The following FAM117A variants were observed in gnomAD, a reference collection of about 807,000 sequenced individuals.
FAM117A encodes family with sequence similarity 117 member A, also known as protein FAM117A.
Under a neutral mutation model 44.1 loss-of-function variants are expected in FAM117A, and 21 were observed. The ratio of observed to expected loss-of-function variants is 0.48; its 90% CI spans 0.34 to 0.69. The LOEUF (loss-of-function observed/expected upper bound fraction) is 0.69, where lower values mean the gene tolerates loss of function less well. FAM117A is among the 30% of genes least tolerant of loss of function. FAM117A has a pLI of 0.01. For synonymous variants in FAM117A, 220 were observed against 238.3 expected (o/e 0.92, Z 0.71); for missense variants, 498 against 589.9 (o/e 0.84, Z 1.61).
chr17:49,715,423 G>A (rs926267449), intron 7 of FAM117A, among the ~76,000 whole-genome samples: 1 of 152,202 alleles, frequency 6.6e-6, no homozygotes, highest in Non-Finnish European at 1.5e-5. Flanking sequence ...CCAACTTGGT[G>A]TGAATCTGCC....
At chr17:49,763,861 T>A in intron 1 of FAM117A, 31 bp downstream of exon 1, 2 of 746,370 alleles carry the variant, frequency 2.7e-6, no homozygotes, top group Non-Finnish European at 3.2e-6. Context: ...CAATGGCTCC[T>A]TCCACGGCAC....
At chr17:49,739,080 A>G (rs1022139880) in intron 1 of FAM117A, among the ~76,000 whole-genome samples, 1 of 152,150 alleles carries the variant, frequency 6.6e-6, no homozygotes, top group Non-Finnish European at 1.5e-5. Flanking sequence ...GTCTGACTAC[A>G]GCCAACGCCA....
At chr17:49,738,128 A>G (rs2073618563) in intron 1 of FAM117A, among the ~76,000 whole-genome samples, 1 of 152,122 alleles carries the variant, frequency 6.6e-6, no homozygotes, top group Non-Finnish European at 1.5e-5. Context: ...GATAACTTTA[A>G]CCCATTTTAT....
chr17:49,777,036 T>C (rs1237070651), intron 1 of FAM117A, among the ~76,000 whole-genome samples: 1 of 152,200 alleles, frequency 6.6e-6, no homozygotes, highest in Admixed American at 6.5e-5. Context: ...TGCTCTCCAT[T>C]GCCAGAAAAC....
intron 1 of FAM117A, among the ~76,000 whole-genome samples, chr17:49,736,137 C>T (rs1158365490): frequency 6.6e-6 from 1 of 151,992 alleles, no homozygotes; most frequent in Admixed American, 6.6e-5. Context: ...TTATACTGTA[C>T]GTATTGTTTT....
At chr17:49,737,982 CTTCTTTTT>C (rs2073618009) in intron 1 of FAM117A, among the ~76,000 whole-genome samples, 1 of 150,434 alleles carries the variant, frequency 6.6e-6, no homozygotes. Context: ...GTATTAATAG[CTTCTTTTT>C]AGCACCTAAT....
At chr17:49,714,808 G>A (rs1424318798) in intron 7 of FAM117A, among the ~76,000 whole-genome samples, 2 of 151,786 alleles carry the variant, frequency 1.3e-5, no homozygotes, top group African/African-American at 4.8e-5. Context: ...CACCACACCT[G>A]TCTAATTTTG....
At chr17:49,767,543 T>A (rs1387227163), upstream of FAM117A, among the ~76,000 whole-genome samples, 1 of 152,218 alleles carries the variant, frequency 6.6e-6, no homozygotes, top group Non-Finnish European at 1.5e-5. Context: ...GCTATTTCAT[T>A]TGGGATACAT....
chr17:49,758,503 G>C (rs1327073326), intron 1 of FAM117A, among the ~76,000 whole-genome samples: 1 of 147,032 alleles, frequency 6.8e-6, no homozygotes, highest in Non-Finnish European at 1.5e-5. Flanking sequence ...GGGCACCTGT[G>C]GTCCCAGCTA....
intron 2 of FAM117A, among the ~76,000 whole-genome samples, chr17:49,730,258 G>A (rs2073579001): frequency 6.6e-6 from 1 of 152,254 alleles, no homozygotes; most frequent in Non-Finnish European, 1.5e-5. Context: ...CAGGGAAAGA[G>A]GAAAGCTGCA....
chr17:49,722,713 C>T, intron 2 of FAM117A, 119 bp from the exon 3 acceptor site: 1 of 728,676 alleles, frequency 1.4e-6, no homozygotes, highest in East Asian at 2.7e-5. Flanking sequence ...GCTCATCAAC[C>T]TCTGAACACT....
intron 3 of FAM117A, 85 bp from the exon 4 acceptor site, chr17:49,720,521 C>A: frequency 1.0e-6 from 1 of 982,756 alleles, no homozygotes; most frequent in Non-Finnish European, 1.6e-6. Context: ...TGGCTCCTGG[C>A]AGAGGCCCAT....
At position 49,720,380 on chromosome 17, in the gene FAM117A, C is replaced by T. The variant is rs1251258692; in HGVS notation, c.519G>A (p.Glu173=). 4.3e-5 allele frequency: 69 copies of T among 1,613,832 alleles called. No individual in the cohort carries two copies. The highest frequency in any genetic ancestry group is 5.7e-5 in the Non-Finnish European group (67 of 1,180,034). The change falls in exon 4 of 8, where the codon GAG becomes GAA. Residue 173 remains glutamate (E), a synonymous_variant. Coordinates refer to ENST00000240364, the MANE Select transcript of FAM117A (RefSeq NM_030802.4). ...QRTKLSRSGK[E]KERGSPLLGD... is the part of the protein sequence containing the mutation. Reference sequence around the variant, plus strand: ...CTAGGAGTGGTGAACCTCGCTCCTTCTCTTTCCCACTGCGGCTCAGCTTCG... The same window carrying T: ...CTAGGAGTGGTGAACCTCGCTCCTTTTCTTTCCCACTGCGGCTCAGCTTCG...
At chr17:49,788,728 G>C, upstream of FAM117A, 1 of 1,241,290 alleles carries the variant, frequency 8.1e-7, no homozygotes. Context: ...GGGATCGTCC[G>C]CAGGATTGGG....
intron 1 of FAM117A, among the ~76,000 whole-genome samples, chr17:49,760,321 A>C (rs183903923): frequency 1.2e-3 from 186 of 152,320 alleles, no homozygotes; most frequent in African/African-American, 4.3e-3. Context: ...AAACAGGTAC[A>C]CTGTTTGAGA....
chr17:49,743,673 G>C (rs1230695838), intron 1 of FAM117A, among the ~76,000 whole-genome samples: 2 of 151,994 alleles, frequency 1.3e-5, no homozygotes, highest in Admixed American at 1.3e-4. Flanking sequence ...AGCTTGCAGT[G>C]AGCCGAGATC....
At chr17:49,778,609 C>G (rs2073781335) in intron 1 of FAM117A, among the ~76,000 whole-genome samples, 1 of 152,222 alleles carries the variant, frequency 6.6e-6, no homozygotes, top group South Asian at 2.1e-4. Flanking sequence ...ATTTCACATG[C>G]AAATACTATA....
At chr17:49,741,570 C>G (rs57539090) in intron 1 of FAM117A, among the ~76,000 whole-genome samples, 3,790 of 152,184 alleles carry the variant, frequency 0.025, 154 homozygotes, top group African/African-American at 0.086. Context: ...CAGGCAGGGT[C>G]AGAGCAGTGT....
intron 1 of FAM117A, among the ~76,000 whole-genome samples, chr17:49,749,158 G>A (rs966552387): frequency 1.3e-5 from 2 of 152,140 alleles, no homozygotes; most frequent in Non-Finnish European, 2.9e-5. Flanking sequence ...CTCTGGCCTA[G>A]GCGTATACCT....
Sources: allele counts gnomAD v4.1 joint callset (sites outside exome capture counted in the v4.1 genomes callset), GRCh38; gene constraint gnomAD v4.1.1; transcripts MANE v1.5; gene names NCBI Gene and HGNC (gene_info 2026-07-23, HGNC 2026-07-21).